The following SYNDIG1 variants were observed in gnomAD, a reference collection of about 807,000 sequenced individuals.
SYNDIG1 encodes synapse differentiation inducing 1.
Under a neutral mutation model 19.4 loss-of-function variants are expected in SYNDIG1, and 9 were observed. The ratio of observed to expected loss-of-function variants is 0.46; its 90% CI spans 0.28 to 0.81. The LOEUF (loss-of-function observed/expected upper bound fraction) is 0.81. Among genes scored for constraint, SYNDIG1 ranks in the 30% least tolerant of loss-of-function variants. The probability of loss-of-function intolerance (pLI) is 0.12; values close to 1 mark genes in which losing one functional copy is unlikely to be tolerated. For missense variants in SYNDIG1, 311 were observed against 343.3 expected, an observed-to-expected ratio of 0.91 and a Z score of 0.74; for synonymous variants, 141 against 145.9, an observed-to-expected ratio of 0.97 and a Z score of 0.24.
In SYNDIG1 at chr20:24,599,138, G is replaced by GA. The variant is rs527820604; in HGVS notation, c.618+14152dup. Among the ~76,000 whole-genome samples, 16 of 151,886 alleles carry GA rather than the reference G, an allele frequency of 1.1e-4. No individual in the cohort carries two copies. The East Asian group carries it at 2.7e-3, about 26-fold the overall frequency. ...AATATGCAGGAAATTCAAACAACAG[G>GA]AAAAAAACCTACACATAATCCCATT... is the stretch of plus-strand genomic sequence containing the variant. On this transcript the variant is annotated intron_variant, in intron 3 of 3. Coordinates refer to ENST00000376862, the MANE Select transcript of SYNDIG1 (RefSeq NM_024893.3).
chr20:24,559,030 C>T (rs2057882408), intron 2 of SYNDIG1, among the ~76,000 whole-genome samples: 1 of 152,154 alleles, frequency 6.6e-6, no homozygotes, highest in Non-Finnish European at 1.5e-5. Context: ...GATACCTGCT[C>T]TCATATGTTT....
At chr20:24,625,609 T>C (rs1202764462) in intron 3 of SYNDIG1, among the ~76,000 whole-genome samples, 2 of 151,914 alleles carry the variant, frequency 1.3e-5, no homozygotes, top group African/African-American at 2.4e-5. Flanking sequence ...ACAAAGCACA[T>C]CTTGCACCGC....
intron 1 of SYNDIG1, among the ~76,000 whole-genome samples, chr20:24,518,292 G>T (rs143586437): frequency 2.6e-5 from 4 of 152,176 alleles, no homozygotes; most frequent in African/African-American, 9.6e-5. Flanking sequence ...GGAGTGGCCG[G>T]CTCTGGACTG....
At chr20:24,502,420 G>A (rs1004362696) in intron 1 of SYNDIG1, 1 of 152,156 alleles carries the variant, frequency 6.6e-6, no homozygotes, top group Non-Finnish European at 1.5e-5. Context: ...ATCTCTGCCT[G>A]TGCATCAGTG....
intron 3 of SYNDIG1, among the ~76,000 whole-genome samples, chr20:24,587,796 C>T (rs1004273206): frequency 3.9e-5 from 6 of 152,216 alleles, no homozygotes; most frequent in African/African-American, 7.2e-5. Context: ...GCTCTCCAGG[C>T]CCTCAGTGCC....
chr20:24,630,276 A>T (rs1360956267), intron 3 of SYNDIG1, among the ~76,000 whole-genome samples: 1 of 152,088 alleles, frequency 6.6e-6, no homozygotes, highest in African/African-American at 2.4e-5. Flanking sequence ...ACATGCTGAG[A>T]CCCCTGGGGA....
chr20:24,580,189 G>A (rs2058298887), intron 2 of SYNDIG1, among the ~76,000 whole-genome samples: 1 of 152,194 alleles, frequency 6.6e-6, no homozygotes, highest in Non-Finnish European at 1.5e-5. Flanking sequence ...TGCAGTGCGT[G>A]ATGAGTCTTT....
chr20:24,480,044 C>T lies in SYNDIG1; in HGVS notation c.-79+10291C>T, dbSNP rs530211083. On this transcript the variant is annotated intron_variant, in intron 1 of 3. Transcript: ENST00000376862. ...ACACACATTACATAGTCCCACACCT[C>T]CCCCACCTGCAGTTGGCTACCTCTT... Among the ~76,000 whole-genome samples, 9 of 152,330 alleles carry T rather than the reference C, an allele frequency of 5.9e-5. No homozygotes were observed. In the South Asian group the frequency reaches 1.5e-3, roughly 25 times the overall value.
rs755342728 is a variant in SYNDIG1 at position 24,641,287 on chromosome 20, T to TGATG, written c.619-24036_619-24033dup. ...AAAAGATGATGATGGATGGATGGAT[T>TGATG]GATGGATGGATGGATGGATGGATGG... On this transcript the variant is annotated intron_variant, in intron 3 of 3. Coordinates refer to ENST00000376862, the MANE Select transcript of SYNDIG1 (RefSeq NM_024893.3). 2.3e-3 allele frequency among the ~76,000 whole-genome samples: 319 copies of TGATG among 137,824 alleles called. 2 individuals are homozygous for TGATG. The highest frequency in any genetic ancestry group is 8.3e-3 in the Middle Eastern group (2 of 240). 90.4% of individuals were successfully genotyped at this position (137,824 alleles called of 152,430 possible).
chr20:24,592,676 C>T lies in SYNDIG1; in HGVS notation c.618+7683C>T, dbSNP rs546005712. ...TTGCCCAGGCTTGAGTGCAGCGGCA[C>T]GATCATGGCTCACTGCATCCTCAGC... is the stretch of plus-strand genomic sequence containing the variant. On this transcript the variant is annotated intron_variant, in intron 3 of 3. Transcript: ENST00000376862. Among the ~76,000 whole-genome samples, 4 of 152,260 alleles carry T rather than the reference C, an allele frequency of 2.6e-5. No homozygotes were observed. In the South Asian group the frequency reaches 8.3e-4, roughly 32 times the overall value.
intron 1 of SYNDIG1, among the ~76,000 whole-genome samples, chr20:24,531,459 A>C (rs1429354769): frequency 6.6e-6 from 1 of 152,168 alleles, no homozygotes; most frequent in Non-Finnish European, 1.5e-5. Flanking sequence ...TTCAGAAAAA[A>C]AGGAAAACTA....
intron 3 of SYNDIG1, among the ~76,000 whole-genome samples, chr20:24,614,594 G>T (rs2058900006): frequency 7.3e-6 from 1 of 136,884 alleles, no homozygotes; most frequent in South Asian, 2.8e-4. Flanking sequence ...ACTGAGACTA[G>T]GAAAATCAAA....
At chr20:24,639,268 C>T (rs2059348165) in intron 3 of SYNDIG1, among the ~76,000 whole-genome samples, 2 of 152,152 alleles carry the variant, frequency 1.3e-5, no homozygotes, top group South Asian at 4.1e-4. Context: ...TCAGCAGAGG[C>T]ATGAACCAGG....
At position 24,615,221 on chromosome 20, in the gene SYNDIG1, G is replaced by A. The variant is rs117386991; in HGVS notation, c.618+30228G>A. Reference sequence around the variant, plus strand: ...CTCTCCTGTGTGACAGTCTTCTAACGATCCTCACATTCCAACACCCATGTG... The same window carrying A: ...CTCTCCTGTGTGACAGTCTTCTAACAATCCTCACATTCCAACACCCATGTG... On this transcript the variant is annotated intron_variant, in intron 3 of 3. Transcript: ENST00000376862. Among the ~76,000 whole-genome samples the A allele has an allele frequency of 5.5e-3, 833 of 152,260 alleles. 3 individuals carry two copies. The highest frequency in any genetic ancestry group is 9.0e-3 in the Non-Finnish European group (609 of 68,018).
intron 1 of SYNDIG1, among the ~76,000 whole-genome samples, chr20:24,506,474 G>T (rs181476636): frequency 1.2e-3 from 188 of 152,342 alleles, no homozygotes; most frequent in African/African-American, 4.4e-3. Flanking sequence ...CACAGCTGAG[G>T]GTGGACAGTG....
intron 2 of SYNDIG1, 54 bp downstream of exon 2, chr20:24,543,631 G>A (rs1251216962): frequency 5.7e-6 from 9 of 1,567,548 alleles, no homozygotes; most frequent in Non-Finnish European, 7.8e-6. Flanking sequence ...GGGGATTCTA[G>A]GGAGGGCAGG....
chr20:24,563,793 G>C (rs1225091001), intron 2 of SYNDIG1, among the ~76,000 whole-genome samples: 1 of 152,054 alleles, frequency 6.6e-6, no homozygotes, highest in Non-Finnish European at 1.5e-5. Flanking sequence ...TTTTTGTAGA[G>C]ACAGGGTCTG....
chr20:24,525,440 A>G (rs1057121547), intron 1 of SYNDIG1, among the ~76,000 whole-genome samples: 10 of 151,894 alleles, frequency 6.6e-5, no homozygotes, highest in Admixed American at 5.9e-4. Flanking sequence ...ACACACCACC[A>G]TGCCTGGCTG....
At chr20:24,661,863 G>A (rs12625030) in intron 3 of SYNDIG1, among the ~76,000 whole-genome samples, 1 of 151,936 alleles carries the variant, frequency 6.6e-6, no homozygotes, top group Non-Finnish European at 1.5e-5. Flanking sequence ...CCTTCAGATA[G>A]AACCATTCCC....
Sources: gnomAD v4.1 joint callset for allele counts (sites outside exome capture counted in the v4.1 genomes callset) on GRCh38, gnomAD v4.1.1 for gene constraint, MANE v1.5 for transcripts, NCBI Gene and HGNC (gene_info 2026-07-23, HGNC 2026-07-21) for gene names.